The following EIPR1 variants were observed in gnomAD, a reference collection of about 807,000 sequenced individuals.
EIPR1 encodes EARP and GARP complex-interacting protein 1.
EIPR1 carries 25 observed loss-of-function variants against 48.1 expected under a neutral mutation model. The observed-to-expected ratio is 0.52, with a 90% confidence interval of 0.38 to 0.73. EIPR1 has a LOEUF of 0.73. Ranked by LOEUF, EIPR1 falls within the 30% of genes least tolerant of loss-of-function variation. EIPR1 has a pLI of 0.00. For synonymous variants in EIPR1, 204 were observed against 201.9 expected, an observed-to-expected ratio of 1.01 and a Z score of -0.09; for missense variants, 415 against 506.2, an observed-to-expected ratio of 0.82 and a Z score of 1.73.
intron 2 of EIPR1, among the ~76,000 whole-genome samples, chr2:3,344,375 C>T (rs1231513271): frequency 2.6e-5 from 4 of 152,236 alleles, no homozygotes; most frequent in African/African-American, 7.2e-5. Context: ...CCCCTGGTTA[C>T]AGCATGTGAC....
intron 3 of EIPR1, among the ~76,000 whole-genome samples, chr2:3,314,554 C>CA (rs1669226587): frequency 6.6e-6 from 1 of 152,026 alleles, no homozygotes. Context: ...CACAGGGTGA[C>CA]AAGCATTTCT....
chr2:3,281,385 C>G (rs190489157), intron 3 of EIPR1, among the ~76,000 whole-genome samples: 52 of 152,182 alleles, frequency 3.4e-4, no homozygotes, highest in African/African-American at 1.1e-3. Flanking sequence ...AGTCAGAAGT[C>G]TTCATTATGA....
At chr2:3,335,193 G>A (rs1670007141) in intron 3 of EIPR1, among the ~76,000 whole-genome samples, 1 of 152,198 alleles carries the variant, frequency 6.6e-6, no homozygotes, top group Admixed American at 6.5e-5. Flanking sequence ...GCTACAGCCA[G>A]TACACACTGT....
At chr2:3,225,634 CCT>C (rs1491582767) in intron 4 of EIPR1, among the ~76,000 whole-genome samples, 1 of 152,152 alleles carries the variant, frequency 6.6e-6, no homozygotes, top group African/African-American at 2.4e-5. Context: ...TAGTTAACTC[CCT>C]TTTTTTTGTC....
At position 3,214,242 on chromosome 2, in the gene EIPR1, C is replaced by T. The variant is rs1185992791; in HGVS notation, c.423G>A (p.Val141=). ...NTAHGNMACV[V]WEPMGDGKKI... ...TCTTCCCATCTCCCATTGGCTCCCACACGACACTAAGAGAAAGAGAAGTAC... is the reference window on the plus strand; with the variant it reads ...TCTTCCCATCTCCCATTGGCTCCCATACGACACTAAGAGAAAGAGAAGTAC... Residue 141 remains valine (V), a synonymous_variant, in exon 5 of 9, where the codon GTG becomes GTA. Transcript: ENST00000382125. The T allele has an allele frequency of 6.8e-6, 11 of 1,613,318 alleles. No individual in the cohort carries two copies. The highest frequency in any genetic ancestry group is 9.3e-6 in the Non-Finnish European group (11 of 1,179,686).
intron 4 of EIPR1, among the ~76,000 whole-genome samples, chr2:3,226,111 G>A (rs1666057199): frequency 6.6e-6 from 1 of 152,176 alleles, no homozygotes; most frequent in South Asian, 2.1e-4. Context: ...GGAGGTGCAG[G>A]GATCTCTTTG....
intron 3 of EIPR1, among the ~76,000 whole-genome samples, chr2:3,268,490 T>C (rs1479128143): frequency 2.0e-5 from 3 of 152,196 alleles, no homozygotes; most frequent in Non-Finnish European, 4.4e-5. Flanking sequence ...TGGGCTGTTC[T>C]TGCTCAGTCC....
At chr2:3,264,626 G>A (rs1161084528) in intron 3 of EIPR1, among the ~76,000 whole-genome samples, 1 of 152,232 alleles carries the variant, frequency 6.6e-6, no homozygotes, top group East Asian at 1.9e-4. Context: ...GAGTTCACAT[G>A]ACACAAGAAG....
At chr2:3,234,615 C>T (rs551552662) in intron 4 of EIPR1, among the ~76,000 whole-genome samples, 75 of 152,356 alleles carry the variant, frequency 4.9e-4, no homozygotes, top group African/African-American at 1.7e-3. Flanking sequence ...AAGTCTCATC[C>T]CTCACTCCTG....
At chr2:3,338,399 T>C (rs1670132359) in intron 2 of EIPR1, among the ~76,000 whole-genome samples, 1 of 152,228 alleles carries the variant, frequency 6.6e-6, no homozygotes, top group Non-Finnish European at 1.5e-5. Flanking sequence ...CATCCGGTCA[T>C]ATCCAGTCTT....
At chr2:3,267,464 T>G (rs952847551) in intron 3 of EIPR1, among the ~76,000 whole-genome samples, 1 of 152,252 alleles carries the variant, frequency 6.6e-6, no homozygotes, top group Non-Finnish European at 1.5e-5. Context: ...AGAATGACAG[T>G]GCATGATCAT....
At chr2:3,345,906 G>T (rs533417073) in intron 2 of EIPR1, among the ~76,000 whole-genome samples, 1 of 152,222 alleles carries the variant, frequency 6.6e-6, no homozygotes, top group South Asian at 2.1e-4. Flanking sequence ...GTTTATACTG[G>T]TGCACACATA....
chr2:3,207,722 A>G (rs1296780453), intron 5 of EIPR1: 1 of 152,226 alleles, frequency 6.6e-6, no homozygotes, highest in African/African-American at 2.4e-5. Context: ...GTCTTTTAAG[A>G]GCTTGGGAAA....
intron 1 of EIPR1, among the ~76,000 whole-genome samples, chr2:3,356,239 G>A (rs1332733538): frequency 5.9e-5 from 9 of 152,200 alleles, no homozygotes; most frequent in East Asian, 1.9e-4. Flanking sequence ...GTGACCTTGC[G>A]CAAAGTGCCT....
At chr2:3,347,813 C>T (rs1315752890) in intron 2 of EIPR1, among the ~76,000 whole-genome samples, 10 of 152,162 alleles carry the variant, frequency 6.6e-5, no homozygotes, top group Non-Finnish European at 1.3e-4. Flanking sequence ...AACAGAAATG[C>T]GAGTCAGGGA....
chr2:3,274,600 A>C (rs774366008), intron 3 of EIPR1, among the ~76,000 whole-genome samples: 2 of 152,326 alleles, frequency 1.3e-5, no homozygotes, highest in East Asian at 3.9e-4. Flanking sequence ...TGGAAAATAA[A>C]GAAAGTGATC....
intron 3 of EIPR1, among the ~76,000 whole-genome samples, chr2:3,281,806 T>G (rs1668018456): frequency 6.6e-6 from 1 of 152,238 alleles, no homozygotes; most frequent in South Asian, 2.1e-4. Context: ...CCATATCTTT[T>G]CAAATGTAAC....
At position 3,246,691 on chromosome 2, in the gene EIPR1, C is replaced by A. The variant is rs1388907750; in HGVS notation, c.416+10608G>T. ...GAGTGCAGCCTTGCTCAGCTCCAGC[C>A]CACAGGACTCCTCCCTGTAGCCTCC... On this transcript the variant is annotated intron_variant, in intron 4 of 8. Transcript: ENST00000382125. Among the ~76,000 whole-genome samples the A allele has an allele frequency of 3.3e-5, 5 of 151,758 alleles. No individual in the cohort carries two copies. The East Asian group carries it at 9.7e-4, about 30-fold the overall frequency.
At chr2:3,352,650 C>T (rs1670614183) in intron 2 of EIPR1, among the ~76,000 whole-genome samples, 1 of 152,172 alleles carries the variant, frequency 6.6e-6, no homozygotes, top group South Asian at 2.1e-4. Context: ...TATGTCATTC[C>T]CCTCACTTCA....
Sources: gnomAD v4.1 joint callset for allele counts (sites outside exome capture counted in the v4.1 genomes callset) on GRCh38, gnomAD v4.1.1 for gene constraint, MANE v1.5 for transcripts, NCBI Gene and HGNC (gene_info 2026-07-23, HGNC 2026-07-21) for gene names.